The following CDH13 variants were observed in gnomAD, a reference collection of about 807,000 sequenced individuals.
The protein encoded by CDH13 is cadherin 13.
A neutral mutation model predicts 63.8 loss-of-function variants in CDH13; 24 were observed. The observed-to-expected ratio is 0.38, with a 90% CI of 0.27 to 0.53. The LOEUF (loss-of-function observed/expected upper bound fraction) is 0.53. Ranked by LOEUF, CDH13 falls within the 20% of genes least tolerant of loss-of-function variation. The pLI, the probability that CDH13 is intolerant of heterozygous loss-of-function variation, is 0.85. For synonymous variants in CDH13, 503 were observed against 355.3 expected (o/e 1.42, Z -4.67); for missense variants, 1,049 against 903.1 (o/e 1.16, Z -2.07).
intron 5 of CDH13, among the ~76,000 whole-genome samples, chr16:83,327,914 C>T (rs142571221): frequency 2.0e-5 from 3 of 152,252 alleles, no homozygotes; most frequent in Non-Finnish European, 2.9e-5. Context: ...GGGTGGATCA[C>T]GAAGTCAGGA....
At chr16:83,602,082 CAA>C (rs576973198) in intron 7 of CDH13, among the ~76,000 whole-genome samples, 1 of 32,292 alleles carries the variant, frequency 3.1e-5, no homozygotes, top group Non-Finnish European at 4.8e-5. Context: ...GACTCTGTCT[CAA>C]AAAAAAAAAA....
intron 5 of CDH13, among the ~76,000 whole-genome samples, chr16:83,279,165 C>A (rs1300063649): frequency 1.3e-5 from 2 of 151,520 alleles, no homozygotes; most frequent in East Asian, 3.9e-4. Flanking sequence ...CTCTGGGAGG[C>A]CAAAGGTAAG....
intron 1 of CDH13, among the ~76,000 whole-genome samples, chr16:82,838,874 C>T (rs2038882872): frequency 6.6e-6 from 1 of 152,156 alleles, no homozygotes. Context: ...TGCCCTCTGG[C>T]TTTTAGTGGG....
chr16:83,358,019 G>A (rs1392878579), intron 6 of CDH13, among the ~76,000 whole-genome samples: 1 of 152,172 alleles, frequency 6.6e-6, no homozygotes, highest in Admixed American at 6.5e-5. Flanking sequence ...CTATGTCCCA[G>A]TGAGGAAACT....
intron 3 of CDH13, among the ~76,000 whole-genome samples, chr16:83,069,446 A>G (rs936395747): frequency 4.6e-5 from 7 of 152,208 alleles, no homozygotes; most frequent in Non-Finnish European, 7.4e-5. Context: ...TTTTATGTGA[A>G]CATTTCATGT....
intron 7 of CDH13, among the ~76,000 whole-genome samples, chr16:83,568,772 A>T (rs1397699872): frequency 6.6e-6 from 1 of 152,130 alleles, no homozygotes. Context: ...TTCCTCCCTC[A>T]GTCCCAGTTC....
chr16:83,400,426 G>T (rs963683035), intron 6 of CDH13, among the ~76,000 whole-genome samples: 1 of 152,132 alleles, frequency 6.6e-6, no homozygotes. Flanking sequence ...TCCAGGATGG[G>T]GTCATAGTGC....
intron 1 of CDH13, among the ~76,000 whole-genome samples, chr16:82,634,978 C>A (rs1908478951): frequency 6.6e-6 from 1 of 152,186 alleles, no homozygotes; most frequent in South Asian, 2.1e-4. Context: ...TCTCCTGGGG[C>A]TCACAGCTTG....
chr16:83,216,431 T>TATATATATATATATATAAAA (rs2039527774), intron 4 of CDH13, among the ~76,000 whole-genome samples: 1 of 116,336 alleles, frequency 8.6e-6, no homozygotes, highest in Non-Finnish European at 1.8e-5. Flanking sequence ...TATATATATA[T>TATATATATATATATATAAAA]ATATATATAT....
rs755953464 is a variant in CDH13 at position 83,716,075 on chromosome 16, A to G, written c.1539-32033A>G. On this transcript the variant is annotated intron_variant, in intron 10 of 13. Transcript: ENST00000567109. Reference sequence around the variant, plus strand: ...TTTTGTTTTCCATAAAGCTAGGAAAACTTAGACTTGCCCACTTTTTTGTTT... The same window carrying G: ...TTTTGTTTTCCATAAAGCTAGGAAAGCTTAGACTTGCCCACTTTTTTGTTT... 4.3e-4 allele frequency among the ~76,000 whole-genome samples: 66 copies of G among 152,038 alleles called. 1 individual carries two copies. Among genetic ancestry groups the G allele is most frequent in the Non-Finnish European group, 2.1e-4 (14 of 68,008 alleles).
At chr16:83,377,592 C>T (rs1028736627) in intron 6 of CDH13, among the ~76,000 whole-genome samples, 1 of 152,174 alleles carries the variant, frequency 6.6e-6, no homozygotes, top group African/African-American at 2.4e-5. Flanking sequence ...TAACATGCAA[C>T]CACAGGCCAT....
chr16:82,708,471 TTC>T (rs1025551392), intron 1 of CDH13, among the ~76,000 whole-genome samples: 1 of 152,158 alleles, frequency 6.6e-6, no homozygotes, highest in African/African-American at 2.4e-5. Context: ...CTCTCACACT[TTC>T]TCTTTTTCTG....
intron 5 of CDH13, among the ~76,000 whole-genome samples, chr16:83,304,610 A>G (rs1217549356): frequency 6.6e-6 from 1 of 152,168 alleles, no homozygotes; most frequent in Non-Finnish European, 1.5e-5. Context: ...TGGATAAATA[A>G]ATGAGTATTG....
intron 2 of CDH13, among the ~76,000 whole-genome samples, chr16:82,998,629 C>G (rs145869690): frequency 6.6e-6 from 1 of 152,278 alleles, no homozygotes; most frequent in Non-Finnish European, 1.5e-5. Context: ...AGATCCTTCT[C>G]TTGGGTCATT....
chr16:82,663,101 C>T (rs920232897), intron 1 of CDH13, among the ~76,000 whole-genome samples: 5 of 152,218 alleles, frequency 3.3e-5, no homozygotes, highest in African/African-American at 1.2e-4. Flanking sequence ...GCCCTTATCG[C>T]CAGAGACTGC....
chr16:82,856,849 A>T (rs994068649), intron 1 of CDH13, among the ~76,000 whole-genome samples: 1 of 152,156 alleles, frequency 6.6e-6, no homozygotes, highest in Admixed American at 6.5e-5. Flanking sequence ...TTGGCACTCA[A>T]TCCCAGGTGG....
At chr16:83,161,651 G>C (rs7200812) in intron 4 of CDH13, among the ~76,000 whole-genome samples, 30,236 of 151,980 alleles carry the variant, frequency 0.2, 4,520 homozygotes, top group African/African-American at 0.42. Flanking sequence ...CGCCTTGACT[G>C]TGCATGGATT....
chr16:82,863,463 C>G (rs751493517), intron 2 of CDH13, among the ~76,000 whole-genome samples: 1 of 152,100 alleles, frequency 6.6e-6, no homozygotes, highest in Non-Finnish European at 1.5e-5. Context: ...CTCATATCGA[C>G]TAGAATTCAA....
intron 6 of CDH13, among the ~76,000 whole-genome samples, chr16:83,352,807 A>G (rs2090981662): frequency 6.6e-6 from 1 of 152,178 alleles, no homozygotes; most frequent in Non-Finnish European, 1.5e-5. Flanking sequence ...GGAGAATGGC[A>G]TGAACCCGGG....
Sources: allele counts gnomAD v4.1 joint callset (sites outside exome capture counted in the v4.1 genomes callset), GRCh38; gene constraint gnomAD v4.1.1; transcripts MANE v1.5; gene names NCBI Gene and HGNC (gene_info 2026-07-23, HGNC 2026-07-21).